KLHL40: variants seen among roughly 807,000 people sequenced by gnomAD.
The protein encoded by KLHL40 is kelch-like protein 40.
In KLHL40, 44 loss-of-function variants were observed where a neutral mutation model predicts 49.7. The ratio of observed to expected loss-of-function variants is 0.89; its 90% confidence interval spans 0.70 to 1.14. The LOEUF (loss-of-function observed/expected upper bound fraction) is 1.14, where lower values mean the gene tolerates loss of function less well. Ranked by LOEUF, KLHL40 falls within the 50% of genes most tolerant of loss-of-function variation. The pLI is 0.00. For missense variants in KLHL40, 892 were observed against 850.3 expected (o/e 1.05, Z -0.61); for synonymous variants, 409 against 365.2 (o/e 1.12, Z -1.37).
In KLHL40 at chr3:42,688,899, C is replaced by A; in HGVS notation, c.1452C>A (p.Asp484Glu). Residue 484 changes from aspartate (D) to glutamate (E), a missense_variant, in exon 4 of 6, where the codon GAC becomes GAA. Coordinates refer to ENST00000287777, the MANE Select transcript of KLHL40 (RefSeq NM_152393.4). This position sits in a 1 kb window ranked among gnomAD's most constrained non-coding sequence, Gnocchi z 4.2. ...RKCLNKMCVY[D>E]PKKFEWKELA... ...GCCTGAACAAGATGTGCGTCTATGA[C>A]CCCAAGAAGTTTGAGTGGAAGGAGC... 1 of 1,614,104 alleles carries A rather than the reference C, an allele frequency of 6.2e-7. No homozygotes were observed. Among genetic ancestry groups the A allele is most frequent in the Non-Finnish European group, 8.5e-7 (1 of 1,179,996 alleles).
Position 42,685,991 on chromosome 3 carries a change from CA to C in KLHL40, c.374del (p.Gln125ArgfsTer74). 6.2e-7 allele frequency: 1 copy of C among 1,611,684 alleles called. No individual in the cohort carries two copies. ...SIFTICVSFL[Q>X]KRLCLSNCLA... ...CTTCACCATCTGCGTGTCCTTCCTG[CA>C]GAAGCGCCTGTGCCTCTCCAACTGC... On this transcript the variant is annotated frameshift_variant, in exon 1 of 6. Transcript: ENST00000287777. LOFTEE classifies it high-confidence loss of function.
At chr3:42,691,789 C>T in intron 5 of KLHL40, 93 bp from the exon 6 acceptor site, 4 of 793,176 alleles carry the variant, frequency 5.0e-6, no homozygotes. Context: ...AGAGATGGGC[C>T]AAGTGCCCTC....
chr3:42,689,101 G>A, intron 4 of KLHL40, 47 bp downstream of exon 4: 1 of 1,523,122 alleles, frequency 6.6e-7, no homozygotes, highest in Non-Finnish European at 9.0e-7. Context: ...ATGGCTTTGG[G>A]CTTCTGTCAG....
In KLHL40 at chr3:42,686,292, G is replaced by C; in HGVS notation, c.674G>C (p.Arg225Pro). ...RALPTVFESV[R>P]CRLLPRAFLE... ...CTGCCCACCGTCTTCGAGAGCGTGC[G>C]CTGCCGCTTGCTGCCGCGCGCCTTT... The change falls in exon 1 of 6, where the codon CGC becomes CCC. Residue 225 changes from arginine to proline, a missense_variant. Arg to Pro is a moderately radical substitution (Grantham distance 103, BLOSUM62 -2). Transcript: ENST00000287777. The C allele has an allele frequency of 6.3e-7, 1 of 1,583,200 alleles. No individual in the cohort carries two copies. Among genetic ancestry groups the C allele is most frequent in the Non-Finnish European group, 8.6e-7 (1 of 1,164,918 alleles).
rs778303947 is a variant in KLHL40 at position 42,685,794 on chromosome 3, G to C, written c.176G>C (p.Arg59Pro). ...LVLAACSPYF[R>P]ARFLAEPERA... ...CTGGCCGCCTGCAGCCCCTACTTCC[G>C]GGCGCGCTTTCTAGCCGAGCCGGAG... is the stretch of plus-strand genomic sequence containing the variant. Residue 59 changes from arginine to proline, a missense_variant, in exon 1 of 6, where the codon CGG (arginine) becomes CCG (proline). Transcript: ENST00000287777. 1.2e-6 allele frequency: 2 copies of C among 1,612,058 alleles called. No individual in the cohort carries two copies. Among genetic ancestry groups the C allele is most frequent in the Non-Finnish European group, 1.7e-6 (2 of 1,179,534 alleles).
At position 42,686,477 on chromosome 3, in the gene KLHL40, A is replaced by C. The variant is rs1157815322; in HGVS notation, c.859A>C (p.Thr287Pro). ...GAGAKEADKG[T>P]SKAKAEEDEE... ...CGGGGCCAAGGAGGCTGATAAGGGC[A>C]CAAGCAAAGCCAAAGCAGAGGAGGA... The change falls in exon 1 of 6, where the codon ACA (threonine) becomes CCA (proline). Residue 287 changes from threonine to proline, a missense_variant. By Grantham distance (38) the Thr-to-Pro change is conservative. Transcript: ENST00000287777. 1.4e-5 allele frequency: 23 copies of C among 1,614,104 alleles called. No homozygotes were observed. Among genetic ancestry groups the C allele is most frequent in the Non-Finnish European group, 1.9e-5 (22 of 1,180,020 alleles).
chr3:42,688,861 C>T lies in KLHL40; in HGVS notation c.1422-8C>T. The T allele has an allele frequency of 6.2e-7, 1 of 1,612,544 alleles. No individual in the cohort carries two copies. Among genetic ancestry groups the T allele is most frequent in the Non-Finnish European group, 8.5e-7 (1 of 1,178,734 alleles). On this transcript the variant is annotated splice_polypyrimidine_tract_variant and splice_region_variant and intron_variant, in intron 3 of 5. Transcript: ENST00000287777. This position sits in a 1 kb window ranked among gnomAD's most constrained non-coding sequence, Gnocchi z 4.2. ...TCTCTCCACCCATCCCCACCCTCCA[C>T]CCCACAGGAAGTGCCTGAACAAGAT...
In KLHL40 at chr3:42,691,040, T is replaced by A. The variant is rs766497162; in HGVS notation, c.1754+35T>A. 4 of 1,571,008 alleles carry A rather than the reference T, an allele frequency of 2.5e-6. No individual in the cohort carries two copies. In the Middle Eastern group the frequency reaches 5.3e-4, roughly 208 times the overall value. Reference sequence around the variant, plus strand: ...ACCCTGGGGAGGCAAGGGGGCATCATGAGCAAGGCTGACACCCCATAGCAC... The same window carrying A: ...ACCCTGGGGAGGCAAGGGGGCATCAAGAGCAAGGCTGACACCCCATAGCAC... On this transcript the variant is annotated intron_variant, in intron 5 of 5. Transcript: ENST00000287777.
chr3:42,687,921 G>T (rs2125845218), intron 1 of KLHL40, among the ~76,000 whole-genome samples: 1 of 152,232 alleles, frequency 6.6e-6, no homozygotes, highest in Admixed American at 6.5e-5. Context: ...CCTACCGCCT[G>T]CTATAATGGT....
rs762744469 is a variant in KLHL40, at chr3:42,686,360, C to T, written c.742C>T (p.Pro248Ser). The T allele has an allele frequency of 2.5e-6, 4 of 1,613,144 alleles. No homozygotes were observed. In the Admixed American group the frequency reaches 5.0e-5, roughly 20 times the overall value. ...VERHPLVRAQ[P>S]ELLRKVQMVK... ...GCGCCACCCTCTCGTGCGTGCCCAGCCCGAGTTGCTGCGCAAGGTGCAGAT... is the reference window on the plus strand; with the variant it reads ...GCGCCACCCTCTCGTGCGTGCCCAGTCCGAGTTGCTGCGCAAGGTGCAGAT... The change falls in exon 1 of 6, where the codon CCC (proline) becomes TCC (serine). Residue 248 changes from proline (P) to serine (S), a missense_variant. Pro to Ser is a moderately conservative substitution (Grantham distance 74). Transcript: ENST00000287777.
Position 42,692,111 on chromosome 3 carries a change from T to C in KLHL40, c.*118T>C. 1.5e-6 allele frequency: 1 copy of C among 684,478 alleles called. No individual in the cohort carries two copies. The allele number at this position is 684,478 out of a possible 1,614,324, so 42.4% of individuals were successfully genotyped here. Reference sequence around the variant, plus strand: ...GCCAGAGTCTACCTGGATCCAGTTATGGTGCCTCAGGGGCTGCGTCAGCCA... The same window carrying C: ...GCCAGAGTCTACCTGGATCCAGTTACGGTGCCTCAGGGGCTGCGTCAGCCA... On this transcript the variant is annotated 3_prime_UTR_variant, in exon 6 of 6. Transcript: ENST00000287777.
Position 42,685,895 on chromosome 3 carries a change from G to C in KLHL40, c.277G>C (p.Glu93Gln), listed in dbSNP as rs202061995. 2.4e-4 allele frequency: 385 copies of C among 1,612,348 alleles called. No individual in the cohort carries two copies. The East Asian group carries it at 8.2e-3, about 34-fold the overall frequency. ...AQVLHYLYTSEIALDEASVQD... is the reference protein window; with the variant it reads ...AQVLHYLYTSQIALDEASVQD... The stretch of plus-strand genomic sequence containing the variant: ...GGTGCTGCACTACCTGTACACATCA[G>C]AGATCGCGCTGGATGAGGCGAGCGT... The change falls in exon 1 of 6, where the codon GAG (glutamate) becomes CAG (glutamine). Residue 93 changes from glutamate (E) to glutamine (Q), a missense_variant. Transcript: ENST00000287777.
chr3:42,686,733 A>T lies in KLHL40; in HGVS notation c.1115A>T (p.Asp372Val). 6.2e-7 allele frequency: 1 copy of T among 1,612,942 alleles called. No homozygotes were observed. The highest frequency in any genetic ancestry group is 1.7e-5 in the Admixed American group (1 of 59,964). The change falls in exon 1 of 6, where the codon GAC becomes GTC. Residue 372 changes from aspartate (D) to valine (V), a missense_variant. Coordinates refer to ENST00000287777, the MANE Select transcript of KLHL40 (RefSeq NM_152393.4). ...FVAGGLFYNE[D>V]NKEDPMSAYF... ...GCTGGAGGCCTCTTCTACAACGAAG[A>T]CAACAAAGAGGACCCCATGAGCGCA... is the stretch of plus-strand genomic sequence containing the variant.
chr3:42,686,358 AG>A lies in KLHL40; in HGVS notation c.741del (p.Gln247HisfsTer11), dbSNP rs1697273692. On this transcript the variant is annotated frameshift_variant, in exon 1 of 6. Transcript: ENST00000287777. LOFTEE classifies it high-confidence loss of function. Reference sequence around the variant, plus strand: ...GAGCGCCACCCTCTCGTGCGTGCCCAGCCCGAGTTGCTGCGCAAGGTGCAGA... The same window carrying A: ...GAGCGCCACCCTCTCGTGCGTGCCCACCCGAGTTGCTGCGCAAGGTGCAGA... ...RVERHPLVRA[Q>X]PELLRKVQMV... is the part of the protein sequence containing the mutation. 3.7e-6 allele frequency: 6 copies of A among 1,613,142 alleles called. No individual in the cohort carries two copies. Among genetic ancestry groups the A allele is most frequent in the Non-Finnish European group, 5.1e-6 (6 of 1,179,862 alleles).
In KLHL40 at chr3:42,688,065, G is replaced by A; in HGVS notation, c.1153-77G>A. On this transcript the variant is annotated intron_variant, in intron 1 of 5. Coordinates refer to ENST00000287777, the MANE Select transcript of KLHL40 (RefSeq NM_152393.4). The surrounding 1 kb of genome is among the most constrained non-coding windows in gnomAD (Gnocchi z 4.2). Reference sequence around the variant, plus strand: ...GGTTCCCGACCTCCTCCGTGATCTGGGGCAGTGGGACTGAGTGGGGCTGGG... The same window carrying A: ...GGTTCCCGACCTCCTCCGTGATCTGAGGCAGTGGGACTGAGTGGGGCTGGG... The A allele has an allele frequency of 1.3e-6, 2 of 1,579,522 alleles. No individual in the cohort carries two copies. Among genetic ancestry groups the A allele is most frequent in the Middle Eastern group, 1.8e-4 (1 of 5,494 alleles).
chr3:42,691,646 A>T (rs1164737606), intron 5 of KLHL40, among the ~76,000 whole-genome samples: 2 of 151,996 alleles, frequency 1.3e-5, no homozygotes, highest in East Asian at 3.9e-4. Flanking sequence ...GGAATATGGG[A>T]ACACCCCTTG....
Position 42,688,304 on chromosome 3 carries a change from T to C in KLHL40, c.1313+2T>C, listed in dbSNP as rs1697304629. 6.2e-7 allele frequency: 1 copy of C among 1,613,180 alleles called. No homozygotes were observed. Among genetic ancestry groups the C allele is most frequent in the Admixed American group, 1.7e-5 (1 of 59,956 alleles). ...CTCGGTCATGTGCTACGACAGGCTG[T>C]GAGCATGGCTGGGGTGGGGCTGAGC... On this transcript the variant is annotated splice_donor_variant, in intron 2 of 5. Coordinates refer to ENST00000287777, the MANE Select transcript of KLHL40 (RefSeq NM_152393.4). LOFTEE classifies it high-confidence loss of function. This position sits in a 1 kb window ranked among gnomAD's most constrained non-coding sequence, Gnocchi z 4.2.
Position 42,686,401 on chromosome 3 carries a change from C to T in KLHL40, c.783C>T (p.His261=), listed in dbSNP as rs769290437. ...AGGTGCAGATGGTGAAGGATGCACA[C>T]GAGGGCCGCATCACCACGCTGCGGA... ...LRKVQMVKDA[H]EGRITTLRKK... The change falls in exon 1 of 6, where the codon CAC becomes CAT. Residue 261 remains histidine (H), a synonymous_variant. Coordinates refer to ENST00000287777, the MANE Select transcript of KLHL40 (RefSeq NM_152393.4). 2 of 1,613,544 alleles carry T rather than the reference C, an allele frequency of 1.2e-6. No individual in the cohort carries two copies. The highest frequency in any genetic ancestry group is 1.7e-6 in the Non-Finnish European group (2 of 1,179,980).
At chr3:42,689,300 C>T (rs1050711381) in intron 4 of KLHL40, among the ~76,000 whole-genome samples, 2 of 152,128 alleles carry the variant, frequency 1.3e-5, no homozygotes, top group Non-Finnish European at 2.9e-5. Flanking sequence ...TTCAGGGACT[C>T]ATACCAGGCA....
Sources: gnomAD v4.1 joint callset for allele counts (sites outside exome capture counted in the v4.1 genomes callset) on GRCh38, gnomAD v4.1.1 for gene constraint, Gnocchi (gnomAD v3.1) non-coding constraint, MANE v1.5 for transcripts, NCBI Gene and HGNC (gene_info 2026-07-23, HGNC 2026-07-21) for gene names.